The following NPEPPS variants were observed in gnomAD, a reference collection of about 807,000 sequenced individuals.
NPEPPS encodes aminopeptidase puromycin sensitive, also known as puromycin-sensitive aminopeptidase.
Under a neutral mutation model 115.5 loss-of-function variants are expected in NPEPPS, and 14 were observed. That is an observed-to-expected ratio of 0.12 (90% CI 0.08 to 0.19). The LOEUF (loss-of-function observed/expected upper bound fraction) is 0.19, where lower values mean the gene tolerates loss of function less well. NPEPPS is among the 10% of genes least tolerant of loss of function. The probability of loss-of-function intolerance (pLI) is 1.00; values close to 1 mark genes in which losing one functional copy is unlikely to be tolerated. For synonymous variants in NPEPPS, 285 were observed against 390.6 expected (o/e 0.73, Z 3.19); for missense variants, 523 against 1,110.8 (o/e 0.47, Z 7.52).
chr17:47,530,763 A>C (rs1246755936), upstream of NPEPPS, among the ~76,000 whole-genome samples: 2 of 152,212 alleles, frequency 1.3e-5, no homozygotes, highest in African/African-American at 2.4e-5. Context: ...ACCTGGAGGC[A>C]GAATCCAGTT....
intron 3 of NPEPPS, 40 bp downstream of exon 3, chr17:47,569,534 A>G (rs768798922): frequency 4.3e-6 from 4 of 921,930 alleles, no homozygotes; most frequent in Non-Finnish European, 6.9e-6. Context: ...TGATGAATAT[A>G]GTGACATCTG....
chr17:47,596,381 T>C lies in NPEPPS; in HGVS notation c.1455T>C (p.Ala485=). Residue 485 remains alanine (A), a synonymous_variant, in exon 13 of 23, where the codon GCT becomes GCC. Transcript: ENST00000322157. The part of the protein sequence containing the change: ...TEDLWESLEN[A]SGKPIAAVMN... ...ATCTCTGGGAAAGTTTAGAAAATGCTAGTGGTAAACCTATAGCAGCTGTGA... is the reference window on the plus strand; with the variant it reads ...ATCTCTGGGAAAGTTTAGAAAATGCCAGTGGTAAACCTATAGCAGCTGTGA... The C allele has an allele frequency of 6.3e-7, 1 of 1,591,976 alleles. No homozygotes were observed. Among genetic ancestry groups the C allele is most frequent in the Non-Finnish European group, 8.6e-7 (1 of 1,168,198 alleles).
At chr17:47,566,160 AT>A (rs895058948) in intron 2 of NPEPPS, among the ~76,000 whole-genome samples, 2 of 151,432 alleles carry the variant, frequency 1.3e-5, no homozygotes, top group African/African-American at 4.9e-5. Flanking sequence ...CGTATGACTA[AT>A]TTTTTTTTAT....
At chr17:47,607,102 G>A (rs927521751) in intron 17 of NPEPPS, among the ~76,000 whole-genome samples, 7 of 152,060 alleles carry the variant, frequency 4.6e-5, no homozygotes, top group Non-Finnish European at 1.5e-5. Flanking sequence ...CTGAGGCAGA[G>A]AATTGCTTGA....
chr17:47,610,701 G>A (rs1913802083), intron 17 of NPEPPS, among the ~76,000 whole-genome samples: 1 of 151,574 alleles, frequency 6.6e-6, no homozygotes, highest in South Asian at 2.1e-4. Context: ...TCTTTTATAA[G>A]GGCACTATTC....
intron 4 of NPEPPS, chr17:47,582,097 T>C (rs1759818587): frequency 6.6e-6 from 1 of 152,400 alleles, no homozygotes; most frequent in Admixed American, 6.5e-5. Context: ...TTATAACTGA[T>C]ACCCTGCAGA....
At chr17:47,587,059 T>C in intron 8 of NPEPPS, 171 bp from the exon 9 acceptor site, 1 of 549,790 alleles carries the variant, frequency 1.8e-6, no homozygotes, top group South Asian at 2.4e-5. Context: ...ATTAATTCTG[T>C]TGGGGTAGTC....
At chr17:47,535,569 AATTAG>A (rs1908176520) in intron 1 of NPEPPS, among the ~76,000 whole-genome samples, 1 of 149,874 alleles carries the variant, frequency 6.7e-6, no homozygotes, top group Non-Finnish European at 1.5e-5. Context: ...AAAAAAAAAA[AATTAG>A]TTGTCTTTCA....
chr17:47,563,126 G>A (rs377066713), intron 2 of NPEPPS, among the ~76,000 whole-genome samples: 4 of 151,086 alleles, frequency 2.6e-5, no homozygotes, highest in East Asian at 1.9e-4. Flanking sequence ...CCACCTCCCC[G>A]TTTCAAGCGA....
chr17:47,622,120 A>G lies in NPEPPS; in HGVS notation c.*200A>G, dbSNP rs576642911. ...AAAAGGAAAATCAGCAATTCAGCAA[A>G]AAATAAATAAAAAATAAAAATGTAA... On this transcript the variant is annotated 3_prime_UTR_variant, in exon 23 of 23. Transcript: ENST00000322157. 39 of 1,275,310 alleles carry G rather than the reference A, an allele frequency of 3.1e-5. No individual in the cohort carries two copies. The African/African-American group carries it at 4.6e-4, about 15-fold the overall frequency. 79.0% of individuals were successfully genotyped at this position (1,275,310 alleles called of 1,614,324 possible).
chr17:47,547,931 C>T (rs1460933488), intron 2 of NPEPPS, among the ~76,000 whole-genome samples: 3 of 152,086 alleles, frequency 2.0e-5, no homozygotes, highest in Non-Finnish European at 4.4e-5. Context: ...GAGGTTGAGG[C>T]AGGAGAATGG....
intron 9 of NPEPPS, among the ~76,000 whole-genome samples, chr17:47,590,204 G>A (rs1391657751): frequency 2.0e-5 from 3 of 152,066 alleles, no homozygotes; most frequent in East Asian, 1.9e-4. Flanking sequence ...CTGGGTTTGC[G>A]GGAGAAGTTA....
At chr17:47,546,140 A>G in intron 2 of NPEPPS, 147 bp downstream of exon 2, 2 of 1,455,222 alleles carry the variant, frequency 1.4e-6, no homozygotes, top group Non-Finnish European at 1.8e-6. Flanking sequence ...GAAATGGGTA[A>G]ATTCAGCTGG....
chr17:47,564,017 C>T (rs1910628975), intron 2 of NPEPPS, among the ~76,000 whole-genome samples: 1 of 152,096 alleles, frequency 6.6e-6, no homozygotes, highest in African/African-American at 2.4e-5. Context: ...ACTGCAGCCT[C>T]TACCTCCCAG....
chr17:47,573,696 G>T (rs1911337508), intron 3 of NPEPPS, among the ~76,000 whole-genome samples: 1 of 152,168 alleles, frequency 6.6e-6, no homozygotes, highest in Non-Finnish European at 1.5e-5. Context: ...CTCGCGCCTG[G>T]GCGACAGAGC....
intron 3 of NPEPPS, among the ~76,000 whole-genome samples, chr17:47,579,098 ATGTT>A (rs1421327864): frequency 6.6e-6 from 1 of 152,024 alleles, no homozygotes; most frequent in Non-Finnish European, 1.5e-5. Flanking sequence ...TTAAGAATAA[ATGTT>A]TGTTTCCTTT....
chr17:47,528,179 G>A (rs1302681714), upstream of NPEPPS, among the ~76,000 whole-genome samples: 17 of 146,884 alleles, frequency 1.2e-4, no homozygotes, highest in African/African-American at 2.5e-4. Flanking sequence ...GTGGGCGCCT[G>A]TAATCCCAGC....
Position 47,601,678 on chromosome 17 carries a change from A to G in NPEPPS, c.1671A>G (p.Leu557=). 2 of 1,612,468 alleles carry G rather than the reference A, an allele frequency of 1.2e-6. No individual in the cohort carries two copies. Among genetic ancestry groups the G allele is most frequent in the Non-Finnish European group, 1.7e-6 (2 of 1,179,484 alleles). Residue 557 remains leucine, a synonymous_variant, in exon 15 of 23, where the codon CTA becomes CTG. Coordinates refer to ENST00000322157, the MANE Select transcript of NPEPPS (RefSeq NM_006310.4). ...STSEDPNQAK[L]KILMDKPEMN... ...GTGAAGACCCCAACCAGGCCAAACT[A>G]AAAATTCTAATGGACAAGCCAGAGA...
intron 2 of NPEPPS, among the ~76,000 whole-genome samples, chr17:47,555,817 G>T (rs1483794313): frequency 2.0e-5 from 3 of 151,850 alleles, no homozygotes; most frequent in Non-Finnish European, 2.9e-5. Context: ...AGGCCTACCA[G>T]GCTGGTCCAA....
Sources: gnomAD v4.1 joint callset for allele counts (sites outside exome capture counted in the v4.1 genomes callset) on GRCh38, gnomAD v4.1.1 for gene constraint, MANE v1.5 for transcripts, NCBI Gene and HGNC (gene_info 2026-07-23, HGNC 2026-07-21) for gene names.